Variants in YTHDC2 observed in about 807,000 individuals in gnomAD.
YTHDC2 encodes 3'-5' RNA helicase YTHDC2.
In YTHDC2, 45 loss-of-function variants were observed where a neutral mutation model predicts 174.9. The ratio of observed to expected loss-of-function variants is 0.26; its 90% CI spans 0.20 to 0.33. The LOEUF (loss-of-function observed/expected upper bound fraction) is 0.33, where lower values mean the gene tolerates loss of function less well. YTHDC2 is among the 10% of genes least tolerant of loss of function. The pLI is 1.00. For synonymous variants in YTHDC2, 657 were observed against 574.5 expected (o/e 1.14, Z -2.05); for missense variants, 1,650 against 1,723.7 (o/e 0.96, Z 0.76).
intron 12 of YTHDC2, among the ~76,000 whole-genome samples, 183 bp from the exon 13 acceptor site, chr5:113,552,998 C>G (rs1298084613): frequency 6.6e-6 from 1 of 151,952 alleles, no homozygotes; most frequent in Non-Finnish European, 1.5e-5. Flanking sequence ...TTTCTAAAAG[C>G]ATTCATTGCC....
At chr5:113,570,971 T>G (rs1032289483) in intron 23 of YTHDC2, among the ~76,000 whole-genome samples, 2 of 152,176 alleles carry the variant, frequency 1.3e-5, no homozygotes, top group East Asian at 1.9e-4. Flanking sequence ...TACTCTTCAT[T>G]TTTTTCTCTG....
chr5:113,592,370 G>C, intron 28 of YTHDC2, 192 bp downstream of exon 28: 2 of 470,760 alleles, frequency 4.2e-6, no homozygotes, highest in Non-Finnish European at 7.3e-6. Context: ...CTTGCAGTCA[G>C]AGTCTCAAGA....
At chr5:113,534,899 AC>A (rs1561639743) in intron 6 of YTHDC2, among the ~76,000 whole-genome samples, 1 of 152,146 alleles carries the variant, frequency 6.6e-6, no homozygotes, top group African/African-American at 2.4e-5. Context: ...CTAAGCTTTT[AC>A]CTAGTTTGTG....
chr5:113,546,332 C>G (rs945113850), intron 10 of YTHDC2, among the ~76,000 whole-genome samples: 9 of 151,990 alleles, frequency 5.9e-5, no homozygotes, highest in Non-Finnish European at 1.2e-4. Flanking sequence ...CAGGTCTCTC[C>G]TCTGCTCTTA....
At position 113,559,811 on chromosome 5, in the gene YTHDC2, A is replaced by G. The variant is rs188564421; in HGVS notation, c.2217-1269A>G. ...GAAGAATTGTAACAGAAGATGAACC[A>G]TGGCTTTACCAGTATGATCCTGAAC... On this transcript the variant is annotated intron_variant, in intron 17 of 29. Coordinates refer to ENST00000161863, the MANE Select transcript of YTHDC2 (RefSeq NM_022828.5). Among the ~76,000 whole-genome samples the G allele has an allele frequency of 2.1e-3, 313 of 152,368 alleles. 1 individual carries two copies. The highest frequency in any genetic ancestry group is 5.7e-3 in the African/African-American group (235 of 41,582).
At chr5:113,569,495 T>A (rs1777576865) in intron 23 of YTHDC2, among the ~76,000 whole-genome samples, 1 of 152,230 alleles carries the variant, frequency 6.6e-6, no homozygotes, top group African/African-American at 2.4e-5. Context: ...TTTAAGTCTT[T>A]AATCCATCTT....
intron 26 of YTHDC2, among the ~76,000 whole-genome samples, chr5:113,586,473 C>T (rs1384494705): frequency 6.6e-6 from 1 of 151,752 alleles, no homozygotes; most frequent in Admixed American, 6.6e-5. Context: ...CTTTCCATTT[C>T]CTTAACAGTG....
chr5:113,534,448 C>T, intron 6 of YTHDC2, 41 bp downstream of exon 6: 1 of 1,548,234 alleles, frequency 6.5e-7, no homozygotes, highest in African/African-American at 1.4e-5. Context: ...ACTCAGATTG[C>T]TTAAAATTTA....
chr5:113,530,222 A>G (rs1406420769), intron 4 of YTHDC2, among the ~76,000 whole-genome samples: 7 of 152,114 alleles, frequency 4.6e-5, no homozygotes, highest in Non-Finnish European at 7.4e-5. Flanking sequence ...TCCAGCTCAA[A>G]TATAACTTTT....
At chr5:113,529,677 A>G (rs1774519303) in intron 4 of YTHDC2, among the ~76,000 whole-genome samples, 1 of 151,486 alleles carries the variant, frequency 6.6e-6, no homozygotes. Context: ...CCTTATTTTT[A>G]TTCTTTTTGG....
chr5:113,554,996 A>G (rs1776503058), intron 16 of YTHDC2, among the ~76,000 whole-genome samples: 1 of 152,008 alleles, frequency 6.6e-6, no homozygotes, highest in Admixed American at 6.6e-5. Flanking sequence ...TTTATAGAAA[A>G]TAAAATTTTA....
chr5:113,532,088 C>T (rs907877649), intron 4 of YTHDC2, among the ~76,000 whole-genome samples: 1 of 152,124 alleles, frequency 6.6e-6, no homozygotes, highest in African/African-American at 2.4e-5. Flanking sequence ...CTGGAAATTA[C>T]TTAAATGTTT....
intron 25 of YTHDC2, chr5:113,582,357 TGTG>T (rs1417974831): frequency 6.6e-6 from 1 of 152,220 alleles, no homozygotes; most frequent in Non-Finnish European, 1.5e-5. Context: ...TGCAATTAAA[TGTG>T]GTGGTGTTTT....
At position 113,553,598 on chromosome 5, in the gene YTHDC2, C is replaced by T. The variant is rs1191331802; in HGVS notation, c.1876C>T (p.Leu626=). Residue 626 remains leucine, a synonymous_variant, in exon 14 of 30, where the codon CTA becomes TTA. Coordinates refer to ENST00000161863, the MANE Select transcript of YTHDC2 (RefSeq NM_022828.5). The part of the protein sequence containing the change: ...ICHSCDAGAV[L]IFLPGYDEIV... ...AGTCATTCTTCTCCAAGGTGCAGTACTAATTTTTCTGCCTGGATATGACGA... is the reference window on the plus strand; with the variant it reads ...AGTCATTCTTCTCCAAGGTGCAGTATTAATTTTTCTGCCTGGATATGACGA... The T allele has an allele frequency of 2.5e-6, 4 of 1,613,134 alleles. No individual in the cohort carries two copies. The highest frequency in any genetic ancestry group is 2.2e-5 in the East Asian group (1 of 44,858).
At chr5:113,542,652 G>T in intron 10 of YTHDC2, 149 bp downstream of exon 10, 1 of 662,736 alleles carries the variant, frequency 1.5e-6, no homozygotes, top group Non-Finnish European at 2.4e-6. Flanking sequence ...GTACAAATCA[G>T]GATCTTCTTG....
chr5:113,517,482 C>T, intron 2 of YTHDC2: 1 of 451,072 alleles, frequency 2.2e-6, no homozygotes, highest in Non-Finnish European at 4.5e-6. Context: ...AAGAGCTGAT[C>T]TGGAATGAAT....
At chr5:113,536,584 AATATAT>A (rs1390003915) in intron 7 of YTHDC2, among the ~76,000 whole-genome samples, 2 of 152,180 alleles carry the variant, frequency 1.3e-5, no homozygotes, top group African/African-American at 4.8e-5. Context: ...ATAATACAAA[AATATAT>A]ATAGAAAAAG....
rs779571424 is a variant in YTHDC2, at chr5:113,591,221, G to A, written c.4006G>A (p.Val1336Ile). Residue 1336 changes from valine (V) to isoleucine (I), a missense_variant, in exon 27 of 30, where the codon GTT (valine) becomes ATT (isoleucine). This residue lies in a region of YTHDC2 where 913 missense variants were observed against 940.4 expected (regional missense o/e 0.97). Coordinates refer to ENST00000161863, the MANE Select transcript of YTHDC2 (RefSeq NM_022828.5). Reference protein sequence around the residue: ...ESSIVYLVFSVQGSGHFQGFS... With the variant: ...ESSIVYLVFSIQGSGHFQGFS... ...CAGCATAGTTTACTTGGTATTTTCT[G>A]TTCAAGGATCTGGACATTTCCAGGT... 6.2e-7 allele frequency: 1 copy of A among 1,613,822 alleles called. No individual in the cohort carries two copies. Among genetic ancestry groups the A allele is most frequent in the Non-Finnish European group, 8.5e-7 (1 of 1,179,824 alleles).
chr5:113,579,483 T>C (rs938621180), intron 23 of YTHDC2, 103 bp from the exon 24 acceptor site: 21 of 678,272 alleles, frequency 3.1e-5, no homozygotes, highest in East Asian at 3.0e-5. Context: ...AATTGTTGTA[T>C]GTCAGGAGGG....
Sources: gnomAD v4.1 joint callset for allele counts (sites outside exome capture counted in the v4.1 genomes callset) on GRCh38, gnomAD v4.1.1 for gene constraint, gnomAD v4.1.1 regional missense constraint, MANE v1.5 for transcripts, NCBI Gene and HGNC (gene_info 2026-07-23, HGNC 2026-07-21) for gene names.